Variants in ZFPL1 observed in about 807,000 individuals in gnomAD.
The protein encoded by ZFPL1 is zinc finger protein-like 1.
Under a neutral mutation model 32.0 loss-of-function variants are expected in ZFPL1, and 28 were observed. The ratio of observed to expected loss-of-function variants is 0.87; its 90% CI spans 0.65 to 1.20. The LOEUF (loss-of-function observed/expected upper bound fraction) is 1.20. ZFPL1 is among the 50% of genes most tolerant of loss of function. ZFPL1 has a pLI of 0.00. For missense variants in ZFPL1, 386 were observed against 424.8 expected (o/e 0.91, Z 0.80); for synonymous variants, 165 against 177.0 (o/e 0.93, Z 0.54).
rs114865934 is a variant in ZFPL1, at chr11:65,086,870, T to G, written c.482-58T>G. Reference sequence around the variant, plus strand: ...ACAGCTCCCTTGGTCTGCAGTCACATGCTCTACCCCTGAGCTCTATGCACT... The same window carrying G: ...ACAGCTCCCTTGGTCTGCAGTCACAGGCTCTACCCCTGAGCTCTATGCACT... On this transcript the variant is annotated intron_variant, in intron 5 of 7. Transcript: ENST00000294258. 1,784 of 1,613,528 alleles carry G rather than the reference T, an allele frequency of 1.1e-3. 16 individuals are homozygous for G. The African/African-American group carries it at 0.02, about 18-fold the overall frequency.
intron 7 of ZFPL1, 179 bp from the exon 8 acceptor site, chr11:65,087,749 C>T (rs1421196316): frequency 2.4e-5 from 16 of 670,194 alleles, no homozygotes; most frequent in East Asian, 1.4e-4. Flanking sequence ...TACAGTCGTG[C>T]GCCTCAGCTG....
rs1481062127 is a variant in ZFPL1 at position 65,086,518 on chromosome 11, C to G, written c.318C>G (p.Pro106=). 3.1e-6 allele frequency: 5 copies of G among 1,614,000 alleles called. No homozygotes were observed. Among genetic ancestry groups the G allele is most frequent in the Non-Finnish European group, 4.2e-6 (5 of 1,180,050 alleles). Residue 106 remains proline, a synonymous_variant, in exon 4 of 8, where the codon CCC becomes CCG. Coordinates refer to ENST00000294258, the MANE Select transcript of ZFPL1 (RefSeq NM_006782.4). ...QCPSCNGPIF[P]PTNLAGPVAS... is the part of the protein sequence containing the mutation. ...CCAGCTGCAATGGCCCCATCTTCCCCCCAACCAACCTGGCTGGCCCCGTGG... is the reference window on the plus strand; with the variant it reads ...CCAGCTGCAATGGCCCCATCTTCCCGCCAACCAACCTGGCTGGCCCCGTGG...
intron 3 of ZFPL1, chr11:65,085,868 C>T (rs1052055313): frequency 1.0e-5 from 2 of 197,494 alleles, no homozygotes; most frequent in African/African-American, 4.8e-5. Flanking sequence ...CATATGAACA[C>T]AGGTGTGTTG....
chr11:65,086,783 A>G lies in ZFPL1; in HGVS notation c.472A>G (p.Ser158Gly). 1 of 1,614,240 alleles carries G rather than the reference A, an allele frequency of 6.2e-7. No homozygotes were observed. Among genetic ancestry groups the G allele is most frequent in the East Asian group, 2.2e-5 (1 of 44,886 alleles). ...CACGTCTGACTTCTCTGACTGGTCT[A>G]GTTTTAATGGTAAGTGGTGGCTTCC... ...LNTSDFSDWSSFNASSTPGPE... is the reference protein window; with the variant it reads ...LNTSDFSDWSGFNASSTPGPE... Residue 158 changes from serine (S) to glycine (G), a missense_variant, in exon 5 of 8, where the codon AGT (serine) becomes GGT (glycine). Coordinates refer to ENST00000294258, the MANE Select transcript of ZFPL1 (RefSeq NM_006782.4).
At chr11:65,087,677 G>C in intron 7 of ZFPL1, 1 of 612,482 alleles carries the variant, frequency 1.6e-6, no homozygotes, top group Non-Finnish European at 2.9e-6. Context: ...GCCCCTTCCC[G>C]ATCTGACACC....
intron 4 of ZFPL1, 47 bp from the exon 5 acceptor site, chr11:65,086,673 G>T (rs1712996469): frequency 6.2e-7 from 1 of 1,614,090 alleles, no homozygotes; most frequent in South Asian, 1.1e-5. Context: ...AGATGGGTGG[G>T]TGGGGACAAT....
In ZFPL1 at chr11:65,084,309, C is replaced by A. The variant is rs116468755; in HGVS notation, c.-78C>A. 258 of 518,370 alleles carry A rather than the reference C, an allele frequency of 5.0e-4. 1 individual carries two copies. The highest frequency in any genetic ancestry group is 4.8e-3 in the African/African-American group (247 of 51,148). The allele number at this position is 518,370 out of a possible 1,614,324, so 32.1% of individuals were successfully genotyped here. On this transcript the variant is annotated 5_prime_UTR_variant, in exon 1 of 8. Coordinates refer to ENST00000294258, the MANE Select transcript of ZFPL1 (RefSeq NM_006782.4). The stretch of plus-strand genomic sequence containing the variant: ...CTGGGGAGAGTGGTCCCTGCCCTTC[C>A]GCGCCTCGAGCCATCGCTACCGCCC...
In ZFPL1 at chr11:65,088,283, G is replaced by C. The variant is rs2137168294; in HGVS notation, c.*169G>C. ...CCAGAGTGGCTGCAGGCCAGGCCTG[G>C]AGTCCCCGTGGGTCAAGCATTTGTC... is the stretch of plus-strand genomic sequence containing the variant. On this transcript the variant is annotated 3_prime_UTR_variant, in exon 8 of 8. Transcript: ENST00000294258. 9.1e-7 allele frequency: 1 copy of C among 1,095,884 alleles called. No individual in the cohort carries two copies. Among genetic ancestry groups the C allele is most frequent in the Non-Finnish European group, 1.3e-6 (1 of 761,894 alleles). The allele number at this position is 1,095,884 out of a possible 1,614,324, so 67.9% of individuals were successfully genotyped here.
In ZFPL1 at chr11:65,085,246, G is replaced by C. The variant is rs773002584; in HGVS notation, c.214+20G>C. 4 of 1,610,420 alleles carry C rather than the reference G, an allele frequency of 2.5e-6. No homozygotes were observed. The South Asian group carries it at 3.3e-5, about 13-fold the overall frequency. On this transcript the variant is annotated intron_variant, in intron 3 of 7. Transcript: ENST00000294258. ...GCTATGGTGAGGCCTTGGCACCTCGGGGGGATCAGGCCAGCCTCAGGGGCC... is the reference window on the plus strand; with the variant it reads ...GCTATGGTGAGGCCTTGGCACCTCGCGGGGATCAGGCCAGCCTCAGGGGCC...
At chr11:65,085,523 G>A (rs1465085626) in intron 3 of ZFPL1, 2 of 455,152 alleles carry the variant, frequency 4.4e-6, no homozygotes, top group South Asian at 2.2e-5. Context: ...GCTGGTGGCC[G>A]TGACTATTAG....
intron 3 of ZFPL1, chr11:65,086,202 C>T (rs1947677802): frequency 3.0e-6 from 2 of 673,500 alleles, no homozygotes; most frequent in South Asian, 1.8e-5. Context: ...CAAACTTACC[C>T]CTGTGAGCTG....
At chr11:65,086,689 G>C in intron 4 of ZFPL1, 31 bp from the exon 5 acceptor site, 1 of 1,614,172 alleles carries the variant, frequency 6.2e-7, no homozygotes, top group South Asian at 1.1e-5. Flanking sequence ...ACAATACTAG[G>C]CAGCCTGGTG....
intron 7 of ZFPL1, 82 bp downstream of exon 7, chr11:65,087,515 A>C: frequency 1.5e-6 from 2 of 1,358,916 alleles, no homozygotes; most frequent in Admixed American, 1.7e-5. Flanking sequence ...GGATGGTTTC[A>C]TGACAAAAGG....
rs1947699680 is a variant in ZFPL1, at chr11:65,088,261, G to T, written c.*147G>T. The stretch of plus-strand genomic sequence containing the variant: ...CCCAGACCCAAAGCCAAGTCCACCA[G>T]AGTGGCTGCAGGCCAGGCCTGGAGT... On this transcript the variant is annotated 3_prime_UTR_variant, in exon 8 of 8. Coordinates refer to ENST00000294258, the MANE Select transcript of ZFPL1 (RefSeq NM_006782.4). 4.2e-6 allele frequency: 5 copies of T among 1,178,962 alleles called. No homozygotes were observed. Among genetic ancestry groups the T allele is most frequent in the Non-Finnish European group, 6.0e-6 (5 of 839,860 alleles). The allele number at this position is 1,178,962 out of a possible 1,614,324, so 73.0% of individuals were successfully genotyped here.
At chr11:65,087,470 G>C in intron 7 of ZFPL1, 37 bp downstream of exon 7, 2 of 1,596,426 alleles carry the variant, frequency 1.3e-6, no homozygotes, top group Non-Finnish European at 1.7e-6. Flanking sequence ...GCCAGGAAGG[G>C]GTGGAGAGGG....
chr11:65,087,361 G>C lies in ZFPL1; in HGVS notation c.674G>C (p.Gly225Ala). ...YDTRDDDRTPGLHGDCDDDKY... is the reference protein window; with the variant it reads ...YDTRDDDRTPALHGDCDDDKY... ...ACGCGGGATGATGACCGGACACCAG[G>C]CCTCCATGGAGACTGTGACGATGAC... Residue 225 changes from glycine (G) to alanine (A), a missense_variant, in exon 7 of 8, where the codon GGC becomes GCC. Gly to Ala is a moderately conservative substitution (Grantham distance 60, BLOSUM62 0). Coordinates refer to ENST00000294258, the MANE Select transcript of ZFPL1 (RefSeq NM_006782.4). 6.2e-7 allele frequency: 1 copy of C among 1,614,102 alleles called. No homozygotes were observed. The highest frequency in any genetic ancestry group is 8.5e-7 in the Non-Finnish European group (1 of 1,180,012).
In ZFPL1 at chr11:65,085,107, C is replaced by T; in HGVS notation, c.103-8C>T. On this transcript the variant is annotated splice_region_variant and splice_polypyrimidine_tract_variant and intron_variant, in intron 2 of 7. Coordinates refer to ENST00000294258, the MANE Select transcript of ZFPL1 (RefSeq NM_006782.4). ...AGCACCAGTTGTGACATCTCTCTCC[C>T]ACTCCAGTGCATCGTCCAGTCCTAC... 6.2e-7 allele frequency: 1 copy of T among 1,613,400 alleles called. No homozygotes were observed. The highest frequency in any genetic ancestry group is 8.5e-7 in the Non-Finnish European group (1 of 1,179,312).
rs770194000 is a variant in ZFPL1 at position 65,086,802 on chromosome 11, G to T, written c.481+10G>T. On this transcript the variant is annotated intron_variant, in intron 5 of 7. Coordinates refer to ENST00000294258, the MANE Select transcript of ZFPL1 (RefSeq NM_006782.4). ...TGGTCTAGTTTTAATGGTAAGTGGT[G>T]GCTTCCACCGACTGTTTGGGCTTTA... is the stretch of plus-strand genomic sequence containing the variant. The T allele has an allele frequency of 1.2e-6, 2 of 1,614,234 alleles. No individual in the cohort carries two copies. The highest frequency in any genetic ancestry group is 2.2e-5 in the South Asian group (2 of 91,090).
At chr11:65,085,773 C>T (rs980487225) in intron 3 of ZFPL1, 1 of 201,436 alleles carries the variant, frequency 5.0e-6, no homozygotes, top group South Asian at 7.9e-5. Context: ...CTTGCAGGCA[C>T]TTAATGTACA....
Sources: allele counts gnomAD v4.1 joint callset, GRCh38; gene constraint gnomAD v4.1.1; transcripts MANE v1.5; gene names NCBI Gene and HGNC (gene_info 2026-07-23, HGNC 2026-07-21).